The following SLC17A1 variants were observed in gnomAD, a reference collection of about 807,000 sequenced individuals.
SLC17A1 encodes solute carrier family 17 member 1.
In SLC17A1, 51 loss-of-function variants were observed where a neutral mutation model predicts 53.5. The ratio of observed to expected loss-of-function variants is 0.95; its 90% confidence interval spans 0.76 to 1.20. The LOEUF is 1.20. Among genes scored for constraint, SLC17A1 ranks in the 50% most tolerant of loss-of-function variants. The pLI is 0.00. For missense variants in SLC17A1, 538 were observed against 568.2 expected (o/e 0.95, Z 0.54); for synonymous variants, 179 against 198.8 (o/e 0.90, Z 0.84).
intron 6 of SLC17A1, among the ~76,000 whole-genome samples, chr6:25,814,145 T>G (rs1483425313): frequency 6.6e-6 from 1 of 152,218 alleles, no homozygotes; most frequent in Non-Finnish European, 1.5e-5. Context: ...ATGAATAATT[T>G]GACTGTGAGG....
chr6:25,727,230 C>T, the SLC17A1 span: 6 of 1,613,722 alleles, frequency 3.7e-6, no homozygotes, highest in South Asian at 1.1e-5. Context: ...GCCGGGAGAG[C>T]TGGCTAAACA....
At chr6:25,819,992 C>G in intron 3 of SLC17A1, 77 bp from the exon 4 acceptor site, 8 of 973,936 alleles carry the variant, frequency 8.2e-6, no homozygotes, top group Non-Finnish European at 6.2e-6. Flanking sequence ...TTCAGGGAAA[C>G]TGTTCTGGCT....
chr6:25,727,394 T>C, the SLC17A1 span: 1 of 1,003,690 alleles, frequency 1.0e-6, no homozygotes, highest in Non-Finnish European at 1.4e-6. Context: ...TTTCTAACCG[T>C]AAGGGTTTTT....
At chr6:25,725,173 T>G in the SLC17A1 span, among the ~76,000 whole-genome samples, 2 of 152,340 alleles carry the variant, frequency 1.3e-5, no homozygotes, top group South Asian at 2.1e-4. Context: ...CTATTTTGCC[T>G]CTTTTCAACA....
chr6:25,746,909 C>T, the SLC17A1 span, among the ~76,000 whole-genome samples: 47 of 152,264 alleles, frequency 3.1e-4, 1 homozygote, highest in African/African-American at 9.4e-4. Flanking sequence ...CTTTTAGTCA[C>T]AAAGTAGGAA....
At chr6:25,750,802 C>T in the SLC17A1 span, among the ~76,000 whole-genome samples, 7 of 151,822 alleles carry the variant, frequency 4.6e-5, no homozygotes, top group Non-Finnish European at 8.8e-5. Flanking sequence ...AGGGGGGTGT[C>T]GTATTTTAAA....
chr6:25,819,371 T>C lies in SLC17A1; in HGVS notation c.529+140A>G, dbSNP rs1308530411. ...TTCTCCATTCTATACAATTCTCTCA[T>C]CTTCATAGCAAGAATGCTGAAACAG... On this transcript the variant is annotated intron_variant, in intron 5 of 12. Coordinates refer to ENST00000244527, the MANE Select transcript of SLC17A1 (RefSeq NM_005074.5). 23 of 760,428 alleles carry C rather than the reference T, an allele frequency of 3.0e-5. No individual in the cohort carries two copies. The East Asian group carries it at 5.8e-4, about 19-fold the overall frequency. 47.1% of individuals were successfully genotyped at this position (760,428 alleles called of 1,614,324 possible). A position where few individuals can be genotyped will look rare whatever the true frequency, so the allele number is the denominator to read the frequency against.
At chr6:25,776,936 T>A in the SLC17A1 span, 1 of 1,613,418 alleles carries the variant, frequency 6.2e-7, no homozygotes, top group East Asian at 2.2e-5. Context: ...GAGCCCTTGT[T>A]AACTTCTTGG....
chr6:25,770,967 C>G, the SLC17A1 span: 2 of 1,613,940 alleles, frequency 1.2e-6, no homozygotes, highest in African/African-American at 2.7e-5. Context: ...TGCTGGTGGT[C>G]TCCTCTGCCA....
chr6:25,763,051 G>A, the SLC17A1 span, among the ~76,000 whole-genome samples: 1 of 152,146 alleles, frequency 6.6e-6, no homozygotes, highest in South Asian at 2.1e-4. Flanking sequence ...CCATTTATGA[G>A]CTCATTATTA....
the SLC17A1 span, among the ~76,000 whole-genome samples, chr6:25,733,468 C>A: frequency 6.6e-6 from 1 of 152,120 alleles, no homozygotes; most frequent in East Asian, 1.9e-4. Flanking sequence ...GAATTACCTT[C>A]CGAGAATTCT....
At chr6:25,762,081 T>C in the SLC17A1 span, 12 of 1,583,732 alleles carry the variant, frequency 7.6e-6, no homozygotes, top group Non-Finnish European at 1.0e-5. Flanking sequence ...AATCTGGTAG[T>C]AAATAAAACT....
the SLC17A1 span, among the ~76,000 whole-genome samples, chr6:25,730,816 GATTA>G: frequency 2.0e-5 from 3 of 152,210 alleles, no homozygotes. Context: ...AGAGCAGTGA[GATTA>G]ATTGGAAACT....
At chr6:25,739,900 G>A in the SLC17A1 span, among the ~76,000 whole-genome samples, 1 of 152,132 alleles carries the variant, frequency 6.6e-6, no homozygotes, top group African/African-American at 2.4e-5. Context: ...ATCTACACAC[G>A]TGATAAAATT....
At chr6:25,826,405 T>G in intron 3 of SLC17A1, 56 bp downstream of exon 3, 1 of 1,396,106 alleles carries the variant, frequency 7.2e-7, no homozygotes, top group Non-Finnish European at 9.8e-7. Flanking sequence ...TCTACACAAA[T>G]TAGTTAGCAA....
chr6:25,830,303 G>A (rs936027543), intron 2 of SLC17A1, among the ~76,000 whole-genome samples: 3 of 152,146 alleles, frequency 2.0e-5, no homozygotes, highest in Admixed American at 6.5e-5. Context: ...TGACAAGTGC[G>A]CAAAAATGAA....
At chr6:25,795,597 A>T (rs1362933267) in intron 12 of SLC17A1, among the ~76,000 whole-genome samples, 1 of 152,200 alleles carries the variant, frequency 6.6e-6, no homozygotes, top group Non-Finnish European at 1.5e-5. Context: ...GATTGAAGTC[A>T]TCTATATAAA....
intron 12 of SLC17A1, 176 bp downstream of exon 12, chr6:25,798,607 C>T (rs1763657964): frequency 2.2e-6 from 1 of 452,540 alleles, no homozygotes; most frequent in Admixed American, 4.3e-5. Flanking sequence ...CCAGCCTTAG[C>T]ATCCCCACAG....
chr6:25,770,537 C>G, the SLC17A1 span: 1 of 1,414,082 alleles, frequency 7.1e-7, no homozygotes, highest in African/African-American at 1.4e-5. Context: ...GTCCTGCCAA[C>G]AGAACCAAGA....
Sources: allele counts gnomAD v4.1 joint callset (sites outside exome capture counted in the v4.1 genomes callset), GRCh38; gene constraint gnomAD v4.1.1; transcripts MANE v1.5; gene names NCBI Gene and HGNC (gene_info 2026-07-23, HGNC 2026-07-21).